The following GLDC variants were observed in gnomAD, a reference collection of about 807,000 sequenced individuals.
GLDC encodes the protein glycine decarboxylase, also known as glycine dehydrogenase (decarboxylating), mitochondrial.
Under a neutral mutation model 121.3 loss-of-function variants are expected in GLDC, and 104 were observed. The observed-to-expected ratio is 0.86, with a 90% CI of 0.73 to 1.01. The LOEUF (loss-of-function observed/expected upper bound fraction) is 1.01. Among genes scored for constraint, GLDC ranks in the 50% least tolerant of loss-of-function variants. The probability of loss-of-function intolerance (pLI) is 0.00; values close to 1 mark genes in which losing one functional copy is unlikely to be tolerated. For synonymous variants in GLDC, 546 were observed against 480.6 expected, an observed-to-expected ratio of 1.14 and a Z score of -1.78; for missense variants, 1,429 against 1,306.6, an observed-to-expected ratio of 1.09 and a Z score of -1.44.
intron 7 of GLDC, among the ~76,000 whole-genome samples, chr9:6,603,293 C>A (rs1818656403): frequency 1.3e-5 from 2 of 151,124 alleles, no homozygotes; most frequent in South Asian, 4.2e-4. Context: ...ACAACCATTG[C>A]ATAACATTAG....
At chr9:6,541,600 ATCACT>A (rs1817259076) in intron 21 of GLDC, 2 of 152,058 alleles carry the variant, frequency 1.3e-5, no homozygotes, top group South Asian at 4.1e-4. Context: ...AGGCAGGCAA[ATCACT>A]TGAGGTCAGG....
At chr9:6,644,798 T>G in intron 1 of GLDC, 106 bp from the exon 2 acceptor site, 1 of 770,356 alleles carries the variant, frequency 1.3e-6, no homozygotes, top group Non-Finnish European at 2.3e-6. Flanking sequence ...AATCGCCTAA[T>G]TAGGGTTCTT....
intron 11 of GLDC, among the ~76,000 whole-genome samples, 161 bp from the exon 12 acceptor site, chr9:6,589,453 C>A (rs1031266781): frequency 1.4e-4 from 21 of 151,940 alleles, no homozygotes; most frequent in Non-Finnish European, 1.5e-5. Flanking sequence ...TTTTTGGAGG[C>A]AGGGTCTTTC....
At chr9:6,550,053 C>T (rs965315823) in intron 21 of GLDC, among the ~76,000 whole-genome samples, 4 of 152,200 alleles carry the variant, frequency 2.6e-5, no homozygotes, top group African/African-American at 9.7e-5. Flanking sequence ...CTGGTTTGCT[C>T]CTGTGTCTCT....
At chr9:6,576,583 C>T (rs1185029837) in intron 15 of GLDC, among the ~76,000 whole-genome samples, 4 of 152,162 alleles carry the variant, frequency 2.6e-5, no homozygotes, top group Admixed American at 2.6e-4. Flanking sequence ...TGTCCTGCCT[C>T]AGCCTCCCGA....
At chr9:6,567,619 T>G (rs966073884) in intron 15 of GLDC, among the ~76,000 whole-genome samples, 2 of 152,216 alleles carry the variant, frequency 1.3e-5, no homozygotes, top group Non-Finnish European at 2.9e-5. Context: ...TTGTCAACCT[T>G]GTTCACAATT....
intron 22 of GLDC, among the ~76,000 whole-genome samples, chr9:6,537,964 C>A (rs1817171470): frequency 6.6e-6 from 1 of 152,174 alleles, no homozygotes; most frequent in South Asian, 2.1e-4. Flanking sequence ...CACTCTTAAA[C>A]CCTTCAGCAT....
chr9:6,645,163 A>G (rs1819716061), intron 1 of GLDC, 82 bp downstream of exon 1: 1 of 1,358,196 alleles, frequency 7.4e-7, no homozygotes, highest in East Asian at 2.6e-5. Context: ...AGCAGAGCTC[A>G]GGGTAGGAGC....
At chr9:6,582,282 G>A (rs569509833) in intron 15 of GLDC, among the ~76,000 whole-genome samples, 165 of 150,956 alleles carry the variant, frequency 1.1e-3, no homozygotes, top group African/African-American at 3.8e-3. Context: ...ACTTTGGGAG[G>A]CCGAGGTGGG....
chr9:6,586,793 A>C (rs989823180), intron 15 of GLDC, among the ~76,000 whole-genome samples: 1 of 152,210 alleles, frequency 6.6e-6, no homozygotes, highest in African/African-American at 2.4e-5. Context: ...AGGTTCGGCC[A>C]TTAGAGATTT....
chr9:6,567,195 G>A (rs749238451), intron 15 of GLDC: 3 of 152,006 alleles, frequency 2.0e-5, no homozygotes, highest in Non-Finnish European at 4.4e-5. Flanking sequence ...GAGTCACCCC[G>A]TTCCTCGTCA....
At chr9:6,584,269 G>A (rs757595238) in intron 15 of GLDC, among the ~76,000 whole-genome samples, 1 of 152,200 alleles carries the variant, frequency 6.6e-6, no homozygotes, top group African/African-American at 2.4e-5. Flanking sequence ...ACCTGTGACT[G>A]CACCTGCTAT....
chr9:6,553,689 G>T (rs1207320862), intron 19 of GLDC, among the ~76,000 whole-genome samples, 180 bp from the exon 20 acceptor site: 2 of 152,126 alleles, frequency 1.3e-5, no homozygotes, highest in Non-Finnish European at 2.9e-5. Context: ...TTCCTCCTCT[G>T]GTGGAGGTCC....
intron 2 of GLDC, among the ~76,000 whole-genome samples, chr9:6,626,876 C>T (rs1819253503): frequency 6.6e-6 from 1 of 152,212 alleles, no homozygotes; most frequent in African/African-American, 2.4e-5. Context: ...GAAGATGCCA[C>T]ATTAGACCAG....
At chr9:6,605,350 C>G in intron 5 of GLDC, 72 bp from the exon 6 acceptor site, 1 of 1,496,122 alleles carries the variant, frequency 6.7e-7, no homozygotes, top group Admixed American at 1.8e-5. Flanking sequence ...GTTTCTTTTC[C>G]AGTAAGACAG....
At chr9:6,590,447 G>C (rs971803858) in intron 11 of GLDC, among the ~76,000 whole-genome samples, 9 of 152,162 alleles carry the variant, frequency 5.9e-5, no homozygotes, top group African/African-American at 2.2e-4. Flanking sequence ...ACAGTAATGA[G>C]TGAGTTCTCA....
intron 4 of GLDC, 118 bp downstream of exon 4, chr9:6,610,074 G>C (rs1379685269): frequency 9.9e-6 from 8 of 807,314 alleles, no homozygotes; most frequent in African/African-American, 1.7e-5. Context: ...CAGTTTCTCT[G>C]AAAAGTCATA....
In GLDC at chr9:6,605,162, G is replaced by A. The variant is rs1009395229; in HGVS notation, c.830C>T (p.Thr277Met). The change falls in exon 6 of 25, where the codon ACG becomes ATG. Residue 277 changes from threonine to methionine, a missense_variant. Thr to Met is a moderately conservative substitution (Grantham distance 81, BLOSUM62 -1). Transcript: ENST00000321612. Reference protein sequence around the residue: ...PDTEGKVEDFTELVERAHQSG... With the variant: ...PDTEGKVEDFMELVERAHQSG... ...CTGATGAGCTCTCTCCACGAGTTCC[G>A]TAAAGTCTTCCACCTTCCCCTCCGT... 20 of 1,612,900 alleles carry A rather than the reference G, an allele frequency of 1.2e-5. No individual in the cohort carries two copies. The highest frequency in any genetic ancestry group is 8.9e-5 in the East Asian group (4 of 44,886).
intron 5 of GLDC, 158 bp from the exon 6 acceptor site, chr9:6,605,436 A>C: frequency 5.7e-6 from 4 of 705,868 alleles, no homozygotes; most frequent in South Asian, 4.6e-5. Flanking sequence ...TTCAGTGGTA[A>C]CTACATCACA....
Sources: gnomAD v4.1 joint callset for allele counts (sites outside exome capture counted in the v4.1 genomes callset) on GRCh38, gnomAD v4.1.1 for gene constraint, MANE v1.5 for transcripts, NCBI Gene and HGNC (gene_info 2026-07-23, HGNC 2026-07-21) for gene names.